SOS1: variants seen among roughly 807,000 people sequenced by gnomAD.
SOS1 encodes SOS Ras/Rac guanine nucleotide exchange factor 1.
A neutral mutation model predicts 157.6 loss-of-function variants in SOS1; 25 were observed. That is an observed-to-expected ratio of 0.16 (90% confidence interval 0.12 to 0.22). SOS1 has a LOEUF of 0.22. SOS1 is among the 10% of genes least tolerant of loss of function. The pLI is 1.00. For missense variants in SOS1, 1,237 were observed against 1,599.1 expected, an observed-to-expected ratio of 0.77 and a Z score of 3.86; for synonymous variants, 528 against 534.0, an observed-to-expected ratio of 0.99 and a Z score of 0.16.
At chr2:39,008,776 C>T (rs1669363956) in intron 15 of SOS1, among the ~76,000 whole-genome samples, 1 of 152,054 alleles carries the variant, frequency 6.6e-6, no homozygotes, top group South Asian at 2.1e-4. Flanking sequence ...TGTGTGTGGT[C>T]AGGTAAGGAG....
chr2:39,029,916 C>G (rs1047513405), intron 8 of SOS1, among the ~76,000 whole-genome samples: 1 of 152,034 alleles, frequency 6.6e-6, no homozygotes, highest in South Asian at 2.1e-4. Flanking sequence ...CCTATAATCC[C>G]TGTACTTTGG....
chr2:39,014,380 A>G (rs961885542), intron 11 of SOS1, among the ~76,000 whole-genome samples: 4 of 152,104 alleles, frequency 2.6e-5, no homozygotes, highest in African/African-American at 9.7e-5. Context: ...GTTTGGGTAC[A>G]TGAAATATTT....
intron 1 of SOS1, among the ~76,000 whole-genome samples, chr2:39,102,530 C>CAAAAAAAAAAAAAAA (rs70954782): frequency 2.0e-5 from 1 of 50,596 alleles, no homozygotes; most frequent in Non-Finnish European, 3.2e-5. Context: ...GACTCCATCT[C>CAAAAAAAAAAAAAAA]AAAAAAAAAA....
At chr2:39,098,292 T>C in intron 1 of SOS1, 1 of 259,210 alleles carries the variant, frequency 3.9e-6, no homozygotes, top group Non-Finnish European at 7.7e-6. Flanking sequence ...ACCCTTTACT[T>C]TAGAGTCTGA....
intron 8 of SOS1, among the ~76,000 whole-genome samples, chr2:39,033,442 A>C (rs776428782): frequency 6.6e-6 from 1 of 152,180 alleles, no homozygotes; most frequent in Non-Finnish European, 1.5e-5. Context: ...CACTTGAAGG[A>C]GTAAAAATTT....
chr2:39,083,018 GT>G (rs1480253367), intron 1 of SOS1, among the ~76,000 whole-genome samples: 2 of 152,168 alleles, frequency 1.3e-5, no homozygotes, highest in Non-Finnish European at 2.9e-5. Flanking sequence ...TCCCAGAGTT[GT>G]AGCAAGTTAT....
At chr2:39,055,784 T>C (rs1671192921) in intron 4 of SOS1, among the ~76,000 whole-genome samples, 1 of 152,220 alleles carries the variant, frequency 6.6e-6, no homozygotes, top group Non-Finnish European at 1.5e-5. Context: ...AGGTAATGAC[T>C]AAAAGCTTTA....
chr2:39,064,383 C>T (rs1301224749), intron 2 of SOS1, among the ~76,000 whole-genome samples: 3 of 152,128 alleles, frequency 2.0e-5, no homozygotes, highest in Non-Finnish European at 4.4e-5. Context: ...TTGGGAGGGG[C>T]ACAAACATTT....
rs5830550 is a variant in SOS1, at chr2:38,989,556, TA to T, written c.3347-243del. On this transcript the variant is annotated intron_variant, in intron 20 of 22. Transcript: ENST00000402219. Reference sequence around the variant, plus strand: ...ATAATTATTAAATGAAAAACATTCATAAAAAAATCGTATATTACTGAAAGAC... The same window carrying T: ...ATAATTATTAAATGAAAAACATTCATAAAAAATCGTATATTACTGAAAGAC... 0.93 allele frequency among the ~76,000 whole-genome samples: 142,009 copies of T among 152,056 alleles called. 66,415 individuals are homozygous for T. Among genetic ancestry groups the T allele is most frequent in the African/African-American group, 0.95 (39,422 of 41,500 alleles).
At chr2:39,026,374 ACAG>A (rs773132719) in intron 8 of SOS1, among the ~76,000 whole-genome samples, 4 of 16,474 alleles carry the variant, frequency 2.4e-4, no homozygotes, top group African/African-American at 3.0e-4. Context: ...AAAAAAAAAA[ACAG>A]AAAAATTTAT....
chr2:39,060,020 G>A (rs1671345369), intron 2 of SOS1, among the ~76,000 whole-genome samples: 1 of 152,126 alleles, frequency 6.6e-6, no homozygotes, highest in South Asian at 2.1e-4. Context: ...AAAATATTGA[G>A]GAGGCATCGC....
chr2:39,080,745 A>G (rs1046142980), intron 1 of SOS1, among the ~76,000 whole-genome samples: 5 of 152,070 alleles, frequency 3.3e-5, no homozygotes, highest in African/African-American at 4.8e-5. Flanking sequence ...CAAGTTTTTA[A>G]CTGCAATTTT....
chr2:38,998,746 C>A (rs1303095537), intron 17 of SOS1, among the ~76,000 whole-genome samples: 1 of 152,068 alleles, frequency 6.6e-6, no homozygotes, highest in African/African-American at 2.4e-5. Context: ...TGCATCTTGC[C>A]CTAATATTCT....
intron 5 of SOS1, among the ~76,000 whole-genome samples, chr2:39,051,547 G>T (rs182426657): frequency 3.3e-5 from 5 of 152,060 alleles, no homozygotes; most frequent in Admixed American, 1.3e-4. Context: ...AAAAATTATT[G>T]AAGATTCTAA....
Position 39,037,098 on chromosome 2 carries a change from C to T in SOS1, c.865-1598G>A, listed in dbSNP as rs116334290. Among the ~76,000 whole-genome samples, 1,085 of 152,338 alleles carry T rather than the reference C, an allele frequency of 7.1e-3. 11 individuals carry two copies. The highest frequency in any genetic ancestry group is 0.025 in the African/African-American group (1,041 of 41,584). On this transcript the variant is annotated intron_variant, in intron 6 of 22. Transcript: ENST00000402219. The stretch of plus-strand genomic sequence containing the variant: ...TCCAAGTCATACTGGATTCCTTGAG[C>T]TGGCTCTTAGTTGACTTCCCAATTT...
At position 39,045,273 on chromosome 2, in the gene SOS1, A is replaced by AGTGTGTGTGTGT. The variant is rs60673777; in HGVS notation, c.864+5859_864+5870dup. On this transcript the variant is annotated intron_variant, in intron 6 of 22. Transcript: ENST00000402219. ...GAGAGAGAGAGAGAGAGAGAGAGAG[A>AGTGTGTGTGTGT]GTGTGTGTGTGTGTGTGTGTGTGTG... 9.7e-3 allele frequency among the ~76,000 whole-genome samples: 1,053 copies of AGTGTGTGTGTGT among 108,086 alleles called. 16 individuals are homozygous for AGTGTGTGTGTGT. Among genetic ancestry groups the AGTGTGTGTGTGT allele is most frequent in the Middle Eastern group, 0.037 (7 of 188 alleles). 70.9% of individuals were successfully genotyped at this position (108,086 alleles called of 152,430 possible). A position where few individuals can be genotyped will look rare whatever the true frequency, so the allele number is the denominator to read the frequency against.
At chr2:39,013,323 T>C (rs1669527885) in intron 13 of SOS1, 137 bp downstream of exon 13, 1 of 666,102 alleles carries the variant, frequency 1.5e-6, no homozygotes, top group African/African-American at 1.8e-5. Context: ...TGATGAAAAT[T>C]TTTAACTTTT....
At chr2:39,072,410 G>C (rs548816818) in intron 1 of SOS1, among the ~76,000 whole-genome samples, 10 of 152,164 alleles carry the variant, frequency 6.6e-5, no homozygotes, top group Admixed American at 1.3e-4. Context: ...GTGATGGTAA[G>C]ACTAGAGAGT....
chr2:39,023,938 G>T, intron 9 of SOS1, 72 bp downstream of exon 9: 2 of 1,054,046 alleles, frequency 1.9e-6, no homozygotes, highest in South Asian at 1.3e-5. Flanking sequence ...CTTGAGGAGG[G>T]AACTGGGATC....
Sources: allele counts gnomAD v4.1 joint callset (sites outside exome capture counted in the v4.1 genomes callset), GRCh38; gene constraint gnomAD v4.1.1; transcripts MANE v1.5; gene names NCBI Gene and HGNC (gene_info 2026-07-23, HGNC 2026-07-21).